Variants in DRICH1 observed in about 807,000 individuals in gnomAD.
The protein encoded by DRICH1 is aspartate-rich protein 1.
Under a neutral mutation model 39.5 loss-of-function variants are expected in DRICH1, and 38 were observed. The ratio of observed to expected loss-of-function variants is 0.96; its 90% confidence interval spans 0.74 to 1.26. The LOEUF (loss-of-function observed/expected upper bound fraction) is 1.26. DRICH1 is among the 50% of genes most tolerant of loss of function. The pLI, the probability that DRICH1 is intolerant of heterozygous loss-of-function variation, is 0.00. For missense variants in DRICH1, 279 were observed against 270.4 expected, an observed-to-expected ratio of 1.03 and a Z score of -0.22; for synonymous variants, 84 against 99.5, an observed-to-expected ratio of 0.84 and a Z score of 0.93.
chr22:23,617,546 C>T (rs1474715751), intron 7 of DRICH1, 29 bp downstream of exon 7: 2 of 1,612,284 alleles, frequency 1.2e-6, no homozygotes, highest in South Asian at 1.1e-5. Context: ...ACCAACATTT[C>T]CTTAGAAGAC....
At chr22:23,584,094 A>T in the DRICH1 span, among the ~76,000 whole-genome samples, 4 of 151,778 alleles carry the variant, frequency 2.6e-5, no homozygotes, top group Non-Finnish European at 5.9e-5. Context: ...GATCCTGGGG[A>T]CCCTGCGGGG....
At position 23,613,630 on chromosome 22, in the gene DRICH1, G is replaced by T. The variant is rs751411724; in HGVS notation, c.643+9C>A. 10 of 1,600,196 alleles carry T rather than the reference G, an allele frequency of 6.2e-6. No individual in the cohort carries two copies. The highest frequency in any genetic ancestry group is 5.5e-5 in the South Asian group (5 of 90,624). ...TCCCTCAGGAAGTGAGTTATCTCAT[G>T]GTACATACCACTTTCTATCCGAGCT... is the stretch of plus-strand genomic sequence containing the variant. On this transcript the variant is annotated intron_variant, in intron 10 of 11. Coordinates refer to ENST00000317749, the MANE Select transcript of DRICH1 (RefSeq NM_016449.4).
At chr22:23,632,706 G>A (rs576935831), upstream of DRICH1, 6 of 152,330 alleles carry the variant, frequency 3.9e-5, no homozygotes, top group African/African-American at 1.4e-4. Flanking sequence ...GAGGTCAGGA[G>A]TTCAAGACCA....
chr22:23,613,676 A>G lies in DRICH1; in HGVS notation c.622-16T>C. 1.3e-6 allele frequency: 2 copies of G among 1,578,882 alleles called. No homozygotes were observed. The highest frequency in any genetic ancestry group is 1.7e-6 in the Non-Finnish European group (2 of 1,149,646). On this transcript the variant is annotated splice_polypyrimidine_tract_variant and intron_variant, in intron 9 of 11. Coordinates refer to ENST00000317749, the MANE Select transcript of DRICH1 (RefSeq NM_016449.4). ...GAGCTGTTATCTGCAATTATATAAA[A>G]GAAAACATTATGAAAATCAGATTCT...
intron 7 of DRICH1, among the ~76,000 whole-genome samples, chr22:23,617,369 T>G (rs1292113582): frequency 3.3e-5 from 5 of 151,832 alleles, no homozygotes; most frequent in Non-Finnish European, 7.3e-5. Context: ...CTTGAACCGG[T>G]CTAGGTCAGC....
chr22:23,630,807 G>A (rs1602355238), intron 1 of DRICH1: 3 of 152,264 alleles, frequency 2.0e-5, no homozygotes, highest in Admixed American at 2.0e-4. Flanking sequence ...CTGCACTCCA[G>A]GTCCTCACTC....
chr22:23,596,806 C>T, the DRICH1 span, among the ~76,000 whole-genome samples: 350 of 152,288 alleles, frequency 2.3e-3, 2 homozygotes, highest in African/African-American at 7.6e-3. Flanking sequence ...AGAGAACATT[C>T]CATGTGTGCT....
At chr22:23,627,745 G>A (rs1329527993) in intron 1 of DRICH1, among the ~76,000 whole-genome samples, 5 of 152,164 alleles carry the variant, frequency 3.3e-5, no homozygotes, top group Admixed American at 2.0e-4. Context: ...ACTGTCCTCA[G>A]GAGCTCAACT....
intron 3 of DRICH1, among the ~76,000 whole-genome samples, chr22:23,623,010 T>C (rs1397807739): frequency 6.6e-6 from 1 of 152,232 alleles, no homozygotes; most frequent in Non-Finnish European, 1.5e-5. Context: ...AACAAATTCA[T>C]TAAAAAATGT....
the DRICH1 span, among the ~76,000 whole-genome samples, chr22:23,592,408 A>G: frequency 3.3e-5 from 5 of 152,000 alleles, no homozygotes; most frequent in African/African-American, 1.2e-4. Context: ...GGGGCGGTCC[A>G]TGAATTAGAA....
intron 6 of DRICH1, 76 bp from the exon 7 acceptor site, chr22:23,617,733 T>C (rs572410262): frequency 1.4e-6 from 2 of 1,408,468 alleles, no homozygotes; most frequent in Admixed American, 1.7e-5. Context: ...TTGCTGGATG[T>C]GGTATATGGA....
At chr22:23,618,724 C>T (rs1391731111) in intron 6 of DRICH1, among the ~76,000 whole-genome samples, 1 of 152,148 alleles carries the variant, frequency 6.6e-6, no homozygotes, top group Non-Finnish European at 1.5e-5. Context: ...TTCAAATATA[C>T]ATGATCTACT....
At chr22:23,621,118 A>G (rs115215699) in intron 4 of DRICH1, among the ~76,000 whole-genome samples, 1,876 of 152,272 alleles carry the variant, frequency 0.012, 41 homozygotes, top group African/African-American at 0.042. Flanking sequence ...CATTTTTAAC[A>G]CAATCTGCCT....
intron 6 of DRICH1, 69 bp downstream of exon 6, chr22:23,619,295 C>T: frequency 1.3e-6 from 1 of 769,458 alleles, no homozygotes; most frequent in South Asian, 1.4e-5. Context: ...GAAAGGCTTC[C>T]CATATTCATG....
At chr22:23,584,929 C>G in the DRICH1 span, among the ~76,000 whole-genome samples, 2 of 152,148 alleles carry the variant, frequency 1.3e-5, no homozygotes, top group Admixed American at 6.5e-5. Flanking sequence ...TCCCAAAGGG[C>G]TGGGATTTAA....
chr22:23,626,073 A>C (rs777224129), intron 1 of DRICH1, 25 bp from the exon 2 acceptor site: 2 of 1,568,370 alleles, frequency 1.3e-6, no homozygotes, highest in Non-Finnish European at 1.8e-6. Context: ...AGTTAATGTC[A>C]GTGCCCTGGT....
intron 6 of DRICH1, among the ~76,000 whole-genome samples, chr22:23,618,548 C>T (rs1016085973): frequency 3.3e-5 from 5 of 152,076 alleles, no homozygotes; most frequent in African/African-American, 1.2e-4. Flanking sequence ...TTTTGGGTCC[C>T]TGTGATCAAG....
intron 3 of DRICH1, chr22:23,624,205 G>T (rs1022177876): frequency 2.1e-5 from 21 of 985,312 alleles, no homozygotes; most frequent in Middle Eastern, 5.2e-4. Flanking sequence ...GCACACCGCA[G>T]AAGAATTCTG....
chr22:23,589,518 A>C, the DRICH1 span, among the ~76,000 whole-genome samples: 1 of 152,010 alleles, frequency 6.6e-6, no homozygotes, highest in African/African-American at 2.4e-5. Context: ...GTGTATATAT[A>C]AAATAAAAAA....
Sources: gnomAD v4.1 joint callset for allele counts (sites outside exome capture counted in the v4.1 genomes callset) on GRCh38, gnomAD v4.1.1 for gene constraint, MANE v1.5 for transcripts, NCBI Gene and HGNC (gene_info 2026-07-23, HGNC 2026-07-21) for gene names.